PKIB: variants seen among roughly 807,000 people sequenced by gnomAD.
The protein encoded by PKIB is PKI-beta.
PKIB carries 2 observed loss-of-function variants against 4.5 expected under a neutral mutation model. That is an observed-to-expected ratio of 0.44 (90% CI 0.18 to 1.39). The LOEUF (loss-of-function observed/expected upper bound fraction) is 1.39, where lower values mean the gene tolerates loss of function less well. Ranked by LOEUF, PKIB falls within the 40% of genes most tolerant of loss-of-function variation. The pLI is 0.27. For missense variants in PKIB, 94 were observed against 92.6 expected, an observed-to-expected ratio of 1.02 and a Z score of -0.06; for synonymous variants, 38 against 36.0, an observed-to-expected ratio of 1.06 and a Z score of -0.20.
chr6:122,626,646 G>T (rs1220384769), intron 1 of PKIB, among the ~76,000 whole-genome samples: 4 of 152,202 alleles, frequency 2.6e-5, no homozygotes, highest in Non-Finnish European at 5.9e-5. Context: ...GAAGCAGAAT[G>T]TTTTTTGTGT....
At chr6:122,557,947 CTG>C (rs1483677796) in intron 2 of PKIB, among the ~76,000 whole-genome samples, 4 of 152,158 alleles carry the variant, frequency 2.6e-5, no homozygotes, top group Non-Finnish European at 4.4e-5. Context: ...ACTTCCATGA[CTG>C]GACTATCACA....
chr6:122,625,493 C>T (rs1775400054), intron 1 of PKIB, among the ~76,000 whole-genome samples: 1 of 152,018 alleles, frequency 6.6e-6, no homozygotes, highest in Non-Finnish European at 1.5e-5. Flanking sequence ...AGCTATGGGG[C>T]CTGGCTTGGT....
chr6:122,533,289 C>A (rs1425502525), intron 2 of PKIB, among the ~76,000 whole-genome samples: 1 of 151,970 alleles, frequency 6.6e-6, no homozygotes, highest in Non-Finnish European at 1.5e-5. Flanking sequence ...TCCACCTCAG[C>A]CTCCCAATTA....
At chr6:122,527,110 G>A (rs1777113451) in intron 2 of PKIB, among the ~76,000 whole-genome samples, 1 of 152,022 alleles carries the variant, frequency 6.6e-6, no homozygotes, top group Non-Finnish European at 1.5e-5. Context: ...CTTTTCTTCT[G>A]CAGTTTCCTC....
intron 2 of PKIB, among the ~76,000 whole-genome samples, chr6:122,544,383 T>TC (rs1772417763): frequency 2.4e-5 from 1 of 41,802 alleles, no homozygotes; most frequent in Non-Finnish European, 4.4e-5. Context: ...TTTTTAAAAA[T>TC]TAAAAAAAAA....
At chr6:122,712,452 A>G (rs1042849627) in intron 3 of PKIB, among the ~76,000 whole-genome samples, 1 of 152,188 alleles carries the variant, frequency 6.6e-6, no homozygotes, top group African/African-American at 2.4e-5. Context: ...AACTGAAAAC[A>G]TGTAGCATAA....
chr6:122,680,424 G>T (rs1264528800), intron 3 of PKIB, among the ~76,000 whole-genome samples: 1 of 152,190 alleles, frequency 6.6e-6, no homozygotes, highest in African/African-American at 2.4e-5. Context: ...AAATGGAGGG[G>T]TTCTTCAGAC....
chr6:122,688,115 G>T (rs1488853773), intron 3 of PKIB, among the ~76,000 whole-genome samples: 1 of 152,086 alleles, frequency 6.6e-6, no homozygotes, highest in African/African-American at 2.4e-5. Context: ...TTCTTATGTT[G>T]AGGTATGTTT....
chr6:122,676,997 T>G (rs1582802442), intron 3 of PKIB, among the ~76,000 whole-genome samples: 1 of 152,322 alleles, frequency 6.6e-6, no homozygotes, highest in Non-Finnish European at 1.5e-5. Flanking sequence ...TTATAGATCT[T>G]GAGGTTTTGT....
intron 2 of PKIB, among the ~76,000 whole-genome samples, chr6:122,531,980 C>T (rs972645715): frequency 6.6e-6 from 1 of 152,318 alleles, no homozygotes; most frequent in Middle Eastern, 3.4e-3. Context: ...CTCTATGATA[C>T]AGACTTACCA....
chr6:122,621,642 G>A (rs181330844), intron 1 of PKIB, among the ~76,000 whole-genome samples: 40 of 152,292 alleles, frequency 2.6e-4, no homozygotes, highest in Admixed American at 2.2e-3. Context: ...TATGTTTAGG[G>A]AACTAGAGTT....
intron 2 of PKIB, among the ~76,000 whole-genome samples, chr6:122,633,568 A>G (rs1038192069): frequency 6.6e-6 from 1 of 152,216 alleles, no homozygotes; most frequent in South Asian, 2.1e-4. Context: ...CAAACGATAC[A>G]TACTGGGACC....
chr6:122,607,088 T>A (rs563688769), upstream of PKIB, among the ~76,000 whole-genome samples: 389 of 147,514 alleles, frequency 2.6e-3, 2 homozygotes, highest in South Asian at 0.016. Flanking sequence ...AAAAAAAAAA[T>A]AATAATAATA....
At chr6:122,719,716 TACACACACACACAC>T (rs202212013) in intron 4 of PKIB, among the ~76,000 whole-genome samples, 2,627 of 132,802 alleles carry the variant, frequency 0.02, 45 homozygotes, top group East Asian at 0.086. Flanking sequence ...CCACCACACA[TACACACACACACAC>T]ACACACACAC....
chr6:122,484,041 TAG>T (rs1775695335), intron 2 of PKIB: 1 of 152,144 alleles, frequency 6.6e-6, no homozygotes, highest in South Asian at 2.1e-4. Context: ...GATTAATTTG[TAG>T]AGTTTTACTG....
chr6:122,663,545 G>A lies in PKIB; in HGVS notation c.-75-11533G>A, dbSNP rs1284299129. 2.0e-5 allele frequency among the ~76,000 whole-genome samples: 3 copies of A among 152,288 alleles called. No homozygotes were observed. In the South Asian group the frequency reaches 6.2e-4, roughly 32 times the overall value. On this transcript the variant is annotated intron_variant, in intron 2 of 4. Coordinates refer to ENST00000368452, the MANE Select transcript of PKIB (RefSeq NM_181795.3). ...AAACTCAAAGTGTTGCCAGGGCCAT[G>A]CTCCCTCTGATGCCTAGAGGGGAGG...
intron 2 of PKIB, among the ~76,000 whole-genome samples, chr6:122,536,216 A>G (rs1174257593): frequency 6.6e-6 from 1 of 152,196 alleles, no homozygotes; most frequent in African/African-American, 2.4e-5. Context: ...TTAAGATTAC[A>G]GGCGTGAGCA....
intron 3 of PKIB, among the ~76,000 whole-genome samples, chr6:122,677,551 T>C (rs766704419): frequency 6.6e-6 from 1 of 152,192 alleles, no homozygotes; most frequent in African/African-American, 2.4e-5. Flanking sequence ...TACATTGAGA[T>C]TGACTGTCTT....
intron 1 of PKIB, among the ~76,000 whole-genome samples, chr6:122,627,911 G>A (rs1296340174): frequency 6.6e-6 from 1 of 151,844 alleles, no homozygotes; most frequent in Non-Finnish European, 1.5e-5. Context: ...AAATAAATAA[G>A]TAAACTCATA....
Sources: allele counts gnomAD v4.1 joint callset (sites outside exome capture counted in the v4.1 genomes callset), GRCh38; gene constraint gnomAD v4.1.1; transcripts MANE v1.5; gene names NCBI Gene and HGNC (gene_info 2026-07-23, HGNC 2026-07-21).